Variants in ZMYM4 observed in about 807,000 individuals in gnomAD.
ZMYM4 encodes the protein zinc finger MYM-type protein 4.
In ZMYM4, 31 loss-of-function variants were observed where a neutral mutation model predicts 183.2. The ratio of observed to expected loss-of-function variants is 0.17; its 90% confidence interval spans 0.13 to 0.23. The LOEUF is 0.23. Among genes scored for constraint, ZMYM4 ranks in the 10% least tolerant of loss-of-function variants. ZMYM4 has a pLI of 1.00. For missense variants in ZMYM4, 1,273 were observed against 1,840.3 expected (o/e 0.69, Z 5.64); for synonymous variants, 592 against 631.2 (o/e 0.94, Z 0.93).
At chr1:35,373,032 GC>G (rs1644248818) in intron 7 of ZMYM4, among the ~76,000 whole-genome samples, 1 of 152,006 alleles carries the variant, frequency 6.6e-6, no homozygotes, top group Non-Finnish European at 1.5e-5. Flanking sequence ...GGTGGCACAT[GC>G]CCATAATCCC....
At position 35,387,116 on chromosome 1, in the gene ZMYM4, A is replaced by G. The variant is rs1644595203; in HGVS notation, c.1950A>G (p.Thr650=). 1 of 1,614,138 alleles carries G rather than the reference A, an allele frequency of 6.2e-7. No homozygotes were observed. The highest frequency in any genetic ancestry group is 1.3e-5 in the African/African-American group (1 of 74,954). ...GSTVSAGGGS[T]SAVSPTSISS... ...CAGTGTCAGCCGGAGGAGGTAGCAC[A>G]TCTGCTGTTTCTCCCACCTCCATCA... Residue 650 remains threonine (T), a synonymous_variant, in exon 12 of 30, where the codon ACA becomes ACG. Transcript: ENST00000314607.
At chr1:35,393,544 A>G in intron 17 of ZMYM4, 51 bp from the exon 18 acceptor site, 1 of 1,476,160 alleles carries the variant, frequency 6.8e-7, no homozygotes, top group Non-Finnish European at 9.1e-7. Flanking sequence ...TCTTATAATT[A>G]CAATGAGATT....
intron 1 of ZMYM4, among the ~76,000 whole-genome samples, chr1:35,309,922 T>G (rs1045749668): frequency 6.9e-6 from 1 of 144,148 alleles, no homozygotes; most frequent in Non-Finnish European, 1.5e-5. Flanking sequence ...GTGTTGTGTG[T>G]TTTTTTTTGT....
Position 35,385,449 on chromosome 1 carries a change from C to A in ZMYM4, c.1577C>A (p.Ala526Asp). The A allele has an allele frequency of 6.2e-7, 1 of 1,602,946 alleles. No individual in the cohort carries two copies. The highest frequency in any genetic ancestry group is 1.3e-5 in the African/African-American group (1 of 74,370). The change falls in exon 10 of 30, where the codon GCC (alanine) becomes GAC (aspartate). Residue 526 changes from alanine (A) to aspartate (D), a missense_variant. Physicochemically the swap from Ala to Asp is moderately radical, Grantham distance 126. Around this residue, in one of 6 missense-constraint regions of ZMYM4, gnomAD observed 319 missense variants for 518.1 expected, o/e 0.62. Coordinates refer to ENST00000314607, the MANE Select transcript of ZMYM4 (RefSeq NM_005095.3). ...SCITAYKQKSAKITPCALCKS... is the reference protein window; with the variant it reads ...SCITAYKQKSDKITPCALCKS... ...GTTTTATTCTCTTAATAGAAATCAG[C>A]CAAAATTACACCGTGTGCGCTTTGC...
chr1:35,411,877 TTTTG>T (rs369876059), intron 26 of ZMYM4, among the ~76,000 whole-genome samples: 51 of 152,196 alleles, frequency 3.4e-4, no homozygotes, highest in African/African-American at 9.9e-4. Context: ...AACATGGGAC[TTTTG>T]TTTGTTTGTT....
At chr1:35,279,074 C>G (rs1451038859) in intron 1 of ZMYM4, among the ~76,000 whole-genome samples, 1 of 152,192 alleles carries the variant, frequency 6.6e-6, no homozygotes, top group African/African-American at 2.4e-5. Flanking sequence ...GCCCTCTGGG[C>G]CCATGGAGGC....
chr1:35,364,471 T>C (rs1402659529), intron 5 of ZMYM4, among the ~76,000 whole-genome samples: 2 of 152,204 alleles, frequency 1.3e-5, no homozygotes, highest in East Asian at 3.8e-4. Flanking sequence ...TTTTCTTGTC[T>C]TTTCCACACC....
At chr1:35,270,911 T>C (rs141138225) in intron 1 of ZMYM4, among the ~76,000 whole-genome samples, 319 of 152,336 alleles carry the variant, frequency 2.1e-3, no homozygotes, top group Non-Finnish European at 3.3e-3. Context: ...ATTTTTACCA[T>C]TGATAAGTTT....
chr1:35,276,523 G>A (rs1639886281), intron 1 of ZMYM4, among the ~76,000 whole-genome samples: 1 of 151,896 alleles, frequency 6.6e-6, no homozygotes, highest in Non-Finnish European at 1.5e-5. Context: ...ACACTGATTT[G>A]TTTAAATCAT....
At position 35,273,974 on chromosome 1, in the gene ZMYM4, A is replaced by G. The variant is rs1362244233; in HGVS notation, c.39+4889A>G. The stretch of plus-strand genomic sequence containing the variant: ...GTAGAAAATACGAACAAATGAAAGC[A>G]TTGACTTCATGATGTGATGGGATAT... On this transcript the variant is annotated intron_variant, in intron 1 of 29. Coordinates refer to ENST00000314607, the MANE Select transcript of ZMYM4 (RefSeq NM_005095.3). Among the ~76,000 whole-genome samples, 4 of 152,322 alleles carry G rather than the reference A, an allele frequency of 2.6e-5. No individual in the cohort carries two copies. In the South Asian group the frequency reaches 8.3e-4, roughly 32 times the overall value.
chr1:35,371,454 T>C (rs979928165), intron 7 of ZMYM4, among the ~76,000 whole-genome samples: 7 of 152,098 alleles, frequency 4.6e-5, no homozygotes, highest in Non-Finnish European at 1.0e-4. Context: ...ACTACCACAT[T>C]GTGTCCATTG....
intron 26 of ZMYM4, among the ~76,000 whole-genome samples, chr1:35,413,263 TTGCA>T (rs1639986764): frequency 2.6e-5 from 4 of 152,160 alleles, no homozygotes; most frequent in African/African-American, 7.2e-5. Flanking sequence ...CAGGTTAGTC[TTGCA>T]CTATTGACCT....
intron 1 of ZMYM4, among the ~76,000 whole-genome samples, chr1:35,280,130 G>GTC (rs772713809): frequency 1.3e-4 from 19 of 141,048 alleles, no homozygotes; most frequent in Admixed American, 4.4e-4. Context: ...TTCTTTCTTT[G>GTC]TCTCTCTCTC....
At chr1:35,288,206 T>C (rs540957316) in intron 1 of ZMYM4, among the ~76,000 whole-genome samples, 8 of 152,372 alleles carry the variant, frequency 5.3e-5, no homozygotes, top group African/African-American at 1.9e-4. Context: ...TTTTGTCTTT[T>C]GACTTTCCTT....
rs543421165 is a variant in ZMYM4, at chr1:35,329,080, A to G, written c.85+3675A>G. On this transcript the variant is annotated intron_variant, in intron 2 of 29. Coordinates refer to ENST00000314607, the MANE Select transcript of ZMYM4 (RefSeq NM_005095.3). ...CCTATCACTGTCAGCAAAATATAGT[A>G]TTTACTAATTATTGGCACACATAAA... Among the ~76,000 whole-genome samples the G allele has an allele frequency of 3.3e-5, 5 of 152,306 alleles. No individual in the cohort carries two copies. In the South Asian group the frequency reaches 8.3e-4, roughly 25 times the overall value.
At position 35,354,602 on chromosome 1, in the gene ZMYM4, CTGTAA is replaced by C; in HGVS notation, c.86-4321_86-4317del. Among the ~76,000 whole-genome samples, 2 of 151,896 alleles carry C rather than the reference CTGTAA, an allele frequency of 1.3e-5. 1 individual carries two copies. The highest frequency in any genetic ancestry group is 2.9e-5 in the Non-Finnish European group (2 of 67,956). ...ATTAGCCGGGTGTGGTGGCAGGTGC[CTGTAA>C]TCCCAGCTACTCAGGAGGCTGAGGC... On this transcript the variant is annotated intron_variant, in intron 2 of 29. Coordinates refer to ENST00000314607, the MANE Select transcript of ZMYM4 (RefSeq NM_005095.3).
chr1:35,364,602 T>G (rs1315814494), intron 5 of ZMYM4, among the ~76,000 whole-genome samples: 1 of 152,194 alleles, frequency 6.6e-6, no homozygotes, highest in Non-Finnish European at 1.5e-5. Flanking sequence ...ATTATTAGTC[T>G]CAAAAAAGTA....
At chr1:35,323,829 C>T (rs772403162) in intron 1 of ZMYM4, among the ~76,000 whole-genome samples, 3 of 151,932 alleles carry the variant, frequency 2.0e-5, no homozygotes, top group Non-Finnish European at 4.4e-5. Context: ...GCTGGGATTA[C>T]AGGCGTGAGT....
intron 17 of ZMYM4, 68 bp downstream of exon 17, chr1:35,392,752 G>T: frequency 1.6e-6 from 2 of 1,216,498 alleles, no homozygotes; most frequent in Non-Finnish European, 2.3e-6. Context: ...GTATAAATAT[G>T]TGTGAACTAA....
Sources: gnomAD v4.1 joint callset for allele counts (sites outside exome capture counted in the v4.1 genomes callset) on GRCh38, gnomAD v4.1.1 for gene constraint, gnomAD v4.1.1 regional missense constraint, MANE v1.5 for transcripts, NCBI Gene and HGNC (gene_info 2026-07-23, HGNC 2026-07-21) for gene names.